HYDIN: variants seen among roughly 807,000 people sequenced by gnomAD.
The protein encoded by HYDIN is axonemal central pair apparatus protein HYDIN.
In HYDIN, 132 loss-of-function variants were observed where a neutral mutation model predicts 403.9. That is an observed-to-expected ratio of 0.33 (90% CI 0.28 to 0.38). The LOEUF (loss-of-function observed/expected upper bound fraction) is 0.38. Ranked by LOEUF, HYDIN falls within the 10% of genes least tolerant of loss-of-function variation. HYDIN has a pLI of 1.00. For missense variants in HYDIN, 2,827 were observed against 5,009.5 expected (o/e 0.56, Z 13.15); for synonymous variants, 1,202 against 1,891.7 (o/e 0.64, Z 9.46).
In HYDIN at chr16:70,802,550, A is replaced by G. The variant is rs1346465262; in HGVS notation, c.*5030T>C. 1 of 152,220 alleles carries G rather than the reference A, an allele frequency of 6.6e-6. No homozygotes were observed. Among genetic ancestry groups the G allele is most frequent in the African/African-American group, 2.4e-5 (1 of 41,456 alleles). The allele number at this position is 152,220 out of a possible 1,614,324, so 9.4% of individuals were successfully genotyped here. ...TGCCAACACATTGAGGGTCCTTGGAAGCAGATCTTTCCCTAGTTGAGCCTC... is the reference window on the plus strand; with the variant it reads ...TGCCAACACATTGAGGGTCCTTGGAGGCAGATCTTTCCCTAGTTGAGCCTC... On this transcript the variant is annotated 3_prime_UTR_variant, in exon 86 of 86. Transcript: ENST00000393567.
chr16:71,055,465 G>A (rs1470714563), intron 18 of HYDIN, among the ~76,000 whole-genome samples: 2 of 151,054 alleles, frequency 1.3e-5, no homozygotes, highest in East Asian at 3.9e-4. Flanking sequence ...AGAGACTACT[G>A]TCATTTAAAG....
rs551681645 is a variant in HYDIN, at chr16:70,804,181, A to C, written c.*3399T>G. 6.6e-6 allele frequency among the ~76,000 whole-genome samples: 1 copy of C among 152,226 alleles called. No individual in the cohort carries two copies. Among genetic ancestry groups the C allele is most frequent in the Non-Finnish European group, 1.5e-5 (1 of 68,044 alleles). On this transcript the variant is annotated 3_prime_UTR_variant, in exon 86 of 86. Coordinates refer to ENST00000393567, the MANE Select transcript of HYDIN (RefSeq NM_001270974.2). ...CAAACCAGCCTGGAAGAGGGTTCAC[A>C]CTGGGGCAGGATCTGAGCTTGGCTC...
intron 52 of HYDIN, among the ~76,000 whole-genome samples, chr16:70,902,821 A>ATATATATATTTTTTTTTTTTTTTTT: frequency 8.5e-5 from 4 of 47,294 alleles, no homozygotes; most frequent in African/African-American, 3.5e-4. Flanking sequence ...ATATATATAT[A>ATATATATATTTTTTTTTTTTTTTTT]TTTTTTTTTT....
At chr16:71,227,089 A>G (rs949107192) in intron 1 of HYDIN, among the ~76,000 whole-genome samples, 6 of 152,046 alleles carry the variant, frequency 3.9e-5, no homozygotes, top group African/African-American at 1.4e-4. Flanking sequence ...ACTGGGAGAA[A>G]TTATTCGCAA....
chr16:70,823,351 A>G (rs539819089), intron 83 of HYDIN, among the ~76,000 whole-genome samples: 292 of 28,868 alleles, frequency 0.01, 4 homozygotes, highest in African/African-American at 0.04. Flanking sequence ...TTGTTAGAGC[A>G]CATCCGTGTA....
intron 1 of HYDIN, among the ~76,000 whole-genome samples, chr16:71,196,834 C>T (rs1354037770): frequency 6.6e-6 from 1 of 152,162 alleles, no homozygotes; most frequent in African/African-American, 2.4e-5. Flanking sequence ...TGAAAGTTTA[C>T]AAATGCCATG....
intron 1 of HYDIN, among the ~76,000 whole-genome samples, chr16:71,198,981 C>T (rs1343725615): frequency 6.6e-6 from 1 of 152,212 alleles, no homozygotes; most frequent in African/African-American, 2.4e-5. Flanking sequence ...GCCATCCAAA[C>T]TTGCAAGCAC....
At chr16:70,909,243 C>T (rs1391951708) in intron 47 of HYDIN, among the ~76,000 whole-genome samples, 1 of 152,042 alleles carries the variant, frequency 6.6e-6, no homozygotes, top group Non-Finnish European at 1.5e-5. Context: ...AGCTCTCTCT[C>T]CTTCTCTTTA....
At position 70,874,975 on chromosome 16, in the gene HYDIN, G is replaced by A. The variant is rs1459911854; in HGVS notation, c.10558-56C>T. On this transcript the variant is annotated intron_variant, in intron 62 of 85. Coordinates refer to ENST00000393567, the MANE Select transcript of HYDIN (RefSeq NM_001270974.2). ...GGCTTACAGGCTGCTCATGGGCTTTGAGTCTGGGGTGAGATACTGTGCTGT... is the reference window on the plus strand; with the variant it reads ...GGCTTACAGGCTGCTCATGGGCTTTAAGTCTGGGGTGAGATACTGTGCTGT... 2.1e-6 allele frequency: 3 copies of A among 1,444,720 alleles called. No individual in the cohort carries two copies. In the African/African-American group the frequency reaches 4.2e-5, roughly 20 times the overall value. The allele number at this position is 1,444,720 out of a possible 1,614,324, so 89.5% of individuals were successfully genotyped here.
At chr16:71,206,124 A>C (rs1406189638) in intron 1 of HYDIN, among the ~76,000 whole-genome samples, 1 of 152,196 alleles carries the variant, frequency 6.6e-6, no homozygotes, top group Non-Finnish European at 1.5e-5. Context: ...TAGAGTTTCC[A>C]ACTCAGCAGT....
intron 58 of HYDIN, among the ~76,000 whole-genome samples, chr16:70,884,344 T>C (rs1798441): frequency 0.022 from 2,461 of 111,088 alleles, no homozygotes; most frequent in African/African-American, 0.082. Flanking sequence ...CTTCCTTCTA[T>C]GCAAATTCAT....
chr16:71,086,640 C>T (rs2082937642), intron 12 of HYDIN, among the ~76,000 whole-genome samples: 1 of 152,192 alleles, frequency 6.6e-6, no homozygotes, highest in South Asian at 2.1e-4. Context: ...ATCTTTGCTG[C>T]TTACGTATGA....
At chr16:71,197,996 C>G (rs2087791147) in intron 1 of HYDIN, among the ~76,000 whole-genome samples, 2 of 152,234 alleles carry the variant, frequency 1.3e-5, no homozygotes, top group African/African-American at 2.4e-5. Context: ...ATCTGCCCGC[C>G]TCAGTCTCCC....
intron 1 of HYDIN, among the ~76,000 whole-genome samples, chr16:71,211,996 G>A (rs1458909716): frequency 1.3e-5 from 2 of 152,114 alleles, no homozygotes; most frequent in Non-Finnish European, 2.9e-5. Context: ...AAACGTCAAT[G>A]TGCTGAAAAA....
intron 75 of HYDIN, among the ~76,000 whole-genome samples, chr16:70,843,167 T>C (rs879433445): frequency 7.0e-6 from 1 of 143,598 alleles, no homozygotes; most frequent in Non-Finnish European, 1.5e-5. Flanking sequence ...GCATTAGGTA[T>C]ATCTCCCAAT....
At chr16:70,951,289 G>GGAGAGA (rs541452705) in intron 41 of HYDIN, among the ~76,000 whole-genome samples, 1 of 135,750 alleles carries the variant, frequency 7.4e-6, no homozygotes, top group South Asian at 2.3e-4. Context: ...AGGGAGAGAG[G>GGAGAGA]GAGAGAGAGA....
chr16:70,962,199 G>A (rs2078440256), intron 37 of HYDIN, 61 bp from the exon 38 acceptor site: 4 of 784,322 alleles, frequency 5.1e-6, no homozygotes, highest in South Asian at 2.4e-5. Flanking sequence ...CAAGGGAGAT[G>A]GAGGCAGAAA....
chr16:71,148,330 G>C (rs1431751669), intron 7 of HYDIN, among the ~76,000 whole-genome samples: 1 of 152,136 alleles, frequency 6.6e-6, no homozygotes, highest in African/African-American at 2.4e-5. Flanking sequence ...GAGAACAAGA[G>C]AAAGATATTT....
intron 23 of HYDIN, among the ~76,000 whole-genome samples, chr16:70,999,186 G>T (rs1465816252): frequency 6.6e-6 from 1 of 152,192 alleles, no homozygotes; most frequent in Non-Finnish European, 1.5e-5. Flanking sequence ...TGGCCATTGG[G>T]ATCCTTCATG....
Sources: allele counts gnomAD v4.1 joint callset (sites outside exome capture counted in the v4.1 genomes callset), GRCh38; gene constraint gnomAD v4.1.1; transcripts MANE v1.5; gene names NCBI Gene and HGNC (gene_info 2026-07-23, HGNC 2026-07-21).